TBC1D5: variants seen among roughly 807,000 people sequenced by gnomAD.
TBC1D5 encodes the protein TBC1 domain family member 5.
In TBC1D5, 75 loss-of-function variants were observed where a neutral mutation model predicts 100.3. The observed-to-expected ratio is 0.75, with a 90% CI of 0.62 to 0.91. The LOEUF is 0.91. Among genes scored for constraint, TBC1D5 ranks in the 40% least tolerant of loss-of-function variants. The pLI is 0.00. For synonymous variants in TBC1D5, 323 were observed against 325.6 expected (o/e 0.99, Z 0.09); for missense variants, 910 against 942.4 (o/e 0.97, Z 0.45).
chr3:17,481,829 C>T (rs2095505784), intron 3 of TBC1D5, among the ~76,000 whole-genome samples: 1 of 152,216 alleles, frequency 6.6e-6, no homozygotes, highest in Non-Finnish European at 1.5e-5. Context: ...CAACCTCCAC[C>T]TCCCAGGTTC....
intron 2 of TBC1D5, among the ~76,000 whole-genome samples, chr3:17,540,947 AAG>A (rs2096348697): frequency 6.6e-6 from 1 of 151,154 alleles, no homozygotes; most frequent in Middle Eastern, 3.2e-3. Flanking sequence ...GAAAAGAAAA[AAG>A]AAAAAAATCA....
chr3:17,477,611 T>C (rs1457547877), intron 3 of TBC1D5, among the ~76,000 whole-genome samples: 2 of 152,158 alleles, frequency 1.3e-5, no homozygotes, highest in East Asian at 1.9e-4. Context: ...ATGTCCGTTA[T>C]AAAAATCACT....
intron 3 of TBC1D5, among the ~76,000 whole-genome samples, chr3:17,431,621 T>C (rs932588757): frequency 6.6e-6 from 1 of 152,036 alleles, no homozygotes; most frequent in Admixed American, 6.6e-5. Flanking sequence ...TCATTTCTCA[T>C]TAATTGGTAT....
In TBC1D5 at chr3:17,662,533, T is replaced by C. The variant is rs2066766034; in HGVS notation, c.-100-38620A>G. 2.0e-5 allele frequency among the ~76,000 whole-genome samples: 3 copies of C among 152,238 alleles called. No homozygotes were observed. The South Asian group carries it at 6.2e-4, about 31-fold the overall frequency. On this transcript the variant is annotated intron_variant, in intron 1 of 21. Coordinates refer to ENST00000253692, the Ensembl canonical transcript of TBC1D5. Reference sequence around the variant, plus strand: ...ATTTTATGTATTTGATTTTTTTCTCTAGAGTAGGATAGGGTCCCGAATGTG... The same window carrying C: ...ATTTTATGTATTTGATTTTTTTCTCCAGAGTAGGATAGGGTCCCGAATGTG...
chr3:17,490,431 A>G (rs763725235), intron 3 of TBC1D5, among the ~76,000 whole-genome samples: 13 of 152,158 alleles, frequency 8.5e-5, no homozygotes, highest in Non-Finnish European at 1.3e-4. Flanking sequence ...TCTGAATGCT[A>G]TTAGCTAGAT....
At chr3:17,471,161 T>C (rs188987921) in intron 3 of TBC1D5, among the ~76,000 whole-genome samples, 83 of 152,258 alleles carry the variant, frequency 5.5e-4, no homozygotes, top group African/African-American at 1.1e-3. Context: ...CTAGATGGAA[T>C]TGCAGCCCAG....
At chr3:17,422,349 TTTTTG>T (rs2094229502) in intron 4 of TBC1D5, among the ~76,000 whole-genome samples, 1 of 151,636 alleles carries the variant, frequency 6.6e-6, no homozygotes, top group African/African-American at 2.4e-5. Flanking sequence ...GTTTTTTGTT[TTTTTG>T]TTTTTTTTTT....
rs112975078 is a variant in TBC1D5 at position 17,209,207 on chromosome 3, G to C, written c.1752+5000C>G. On this transcript the variant is annotated intron_variant, in intron 18 of 21. Transcript: ENST00000253692. ...CTGCATCCCATGCTGGAGTGCAGTG[G>C]CACAGTCACTGCTCACGCAGACTTG... Among the ~76,000 whole-genome samples the C allele has an allele frequency of 4.3e-3, 648 of 152,294 alleles. 4 individuals carry two copies. Among genetic ancestry groups the C allele is most frequent in the Admixed American group, 0.019 (298 of 15,292 alleles).
chr3:17,404,254 G>A (rs1438719147), intron 7 of TBC1D5, among the ~76,000 whole-genome samples: 9 of 151,898 alleles, frequency 5.9e-5, no homozygotes. Context: ...ATGAATAGAA[G>A]TAGACCTGAT....
At chr3:17,424,061 A>G (rs963952807) in intron 4 of TBC1D5, among the ~76,000 whole-genome samples, 1 of 152,214 alleles carries the variant, frequency 6.6e-6, no homozygotes, top group Non-Finnish European at 1.5e-5. Flanking sequence ...AAAAAGCATT[A>G]CATTGGCTCA....
chr3:17,678,032 C>A (rs146024681), intron 1 of TBC1D5, among the ~76,000 whole-genome samples: 7,599 of 152,116 alleles, frequency 0.05, 598 homozygotes, highest in African/African-American at 0.17. Context: ...GGAGATATAC[C>A]TAATGTAAAT....
chr3:17,218,562 ACTTT>A (rs2073913759), intron 17 of TBC1D5, among the ~76,000 whole-genome samples: 1 of 151,912 alleles, frequency 6.6e-6, no homozygotes, highest in Admixed American at 6.6e-5. Flanking sequence ...AGCCTGAAGG[ACTTT>A]CTTTATTATG....
intron 1 of TBC1D5, chr3:17,706,318 A>G: frequency 6.9e-7 from 1 of 1,443,296 alleles, no homozygotes; most frequent in South Asian, 1.3e-5. Context: ...TCAAACCAGA[A>G]CTGTATACCT....
chr3:17,640,493 T>C (rs1005177892), intron 1 of TBC1D5, among the ~76,000 whole-genome samples: 2 of 152,066 alleles, frequency 1.3e-5, no homozygotes, highest in Non-Finnish European at 2.9e-5. Flanking sequence ...ATTTTAGAAC[T>C]TGAAAGTTAG....
intron 3 of TBC1D5, among the ~76,000 whole-genome samples, chr3:17,491,435 T>TA (rs2095638716): frequency 6.6e-6 from 1 of 152,226 alleles, no homozygotes; most frequent in Non-Finnish European, 1.5e-5. Flanking sequence ...CAGTATGATA[T>TA]TGGCAGTGGG....
intron 10 of TBC1D5, among the ~76,000 whole-genome samples, chr3:17,375,055 T>C (rs2092648972): frequency 6.6e-6 from 1 of 151,770 alleles, no homozygotes. Context: ...AACATTGATT[T>C]ATTTTCTTTA....
At chr3:17,298,538 G>T (rs186428380) in intron 14 of TBC1D5, among the ~76,000 whole-genome samples, 52 of 152,284 alleles carry the variant, frequency 3.4e-4, no homozygotes, top group African/African-American at 1.3e-3. Flanking sequence ...ACACTGAGTG[G>T]CTCCTATGGC....
At chr3:17,417,060 T>G (rs949142656) in intron 4 of TBC1D5, among the ~76,000 whole-genome samples, 8 of 152,294 alleles carry the variant, frequency 5.3e-5, no homozygotes, top group Non-Finnish European at 7.4e-5. Flanking sequence ...CAATAGTAGT[T>G]ATTTTGGAGA....
chr3:17,569,165 G>A (rs2153500916), intron 2 of TBC1D5, among the ~76,000 whole-genome samples: 1 of 151,832 alleles, frequency 6.6e-6, no homozygotes, highest in East Asian at 1.9e-4. Flanking sequence ...TGCAAACAGA[G>A]AATAATCAGC....
Sources: gnomAD v4.1 joint callset for allele counts (sites outside exome capture counted in the v4.1 genomes callset) on GRCh38, gnomAD v4.1.1 for gene constraint, MANE v1.5 for transcripts, NCBI Gene and HGNC (gene_info 2026-07-23, HGNC 2026-07-21) for gene names.